CNTNAP2: variants seen among roughly 807,000 people sequenced by gnomAD.
The protein encoded by CNTNAP2 is contactin-associated protein-like 2.
Under a neutral mutation model 155.2 loss-of-function variants are expected in CNTNAP2, and 98 were observed. That is an observed-to-expected ratio of 0.63 (90% CI 0.54 to 0.75). CNTNAP2 has a LOEUF of 0.75. Among genes scored for constraint, CNTNAP2 ranks in the 30% least tolerant of loss-of-function variants. The pLI is 0.00. For missense variants in CNTNAP2, 1,727 were observed against 1,688.1 expected (o/e 1.02, Z -0.40); for synonymous variants, 651 against 631.2 (o/e 1.03, Z -0.47).
chr7:146,497,487 C>A (rs1797235835), intron 1 of CNTNAP2, among the ~76,000 whole-genome samples: 1 of 151,892 alleles, frequency 6.6e-6, no homozygotes, highest in Admixed American at 6.6e-5. Context: ...TTGGAGAGTT[C>A]AATGATTTTA....
intron 1 of CNTNAP2, among the ~76,000 whole-genome samples, chr7:146,355,137 C>A (rs1794979202): frequency 6.6e-6 from 1 of 152,166 alleles, no homozygotes; most frequent in Non-Finnish European, 1.5e-5. Context: ...GCATACACAT[C>A]AAATCAAATT....
intron 11 of CNTNAP2, among the ~76,000 whole-genome samples, chr7:147,502,842 G>T (rs1798843587): frequency 6.6e-6 from 1 of 151,654 alleles, no homozygotes; most frequent in Non-Finnish European, 1.5e-5. Context: ...ATTAAAAAAA[G>T]AAAGTAGCAG....
chr7:146,617,595 T>C (rs923321817), intron 1 of CNTNAP2, among the ~76,000 whole-genome samples: 1 of 152,212 alleles, frequency 6.6e-6, no homozygotes, highest in Non-Finnish European at 1.5e-5. Flanking sequence ...TAATGGTTTA[T>C]CTAGCCATGA....
chr7:147,788,864 G>A (rs1797775394), intron 13 of CNTNAP2, among the ~76,000 whole-genome samples: 4 of 146,064 alleles, frequency 2.7e-5, no homozygotes. Context: ...AGACCCTCAT[G>A]AATCATCCAG....
At chr7:148,172,146 G>T in intron 17 of CNTNAP2, 96 bp from the exon 18 acceptor site, 12 of 1,160,054 alleles carry the variant, frequency 1.0e-5, no homozygotes, top group Non-Finnish European at 1.5e-5. Flanking sequence ...GATGTGCTAT[G>T]CAGTGTCATC....
At chr7:146,632,636 T>C (rs2129159081) in intron 1 of CNTNAP2, among the ~76,000 whole-genome samples, 1 of 152,118 alleles carries the variant, frequency 6.6e-6, no homozygotes, top group East Asian at 1.9e-4. Flanking sequence ...TAACGTAGAG[T>C]AACATTTACA....
At chr7:147,305,335 G>T (rs1479509591) in intron 9 of CNTNAP2, among the ~76,000 whole-genome samples, 1 of 152,102 alleles carries the variant, frequency 6.6e-6, no homozygotes, top group Non-Finnish European at 1.5e-5. Flanking sequence ...TGGTTATCAG[G>T]CTCCTTAGCT....
intron 10 of CNTNAP2, among the ~76,000 whole-genome samples, chr7:147,411,941 T>C (rs1797109790): frequency 6.6e-6 from 1 of 152,198 alleles, no homozygotes; most frequent in African/African-American, 2.4e-5. Flanking sequence ...AAAAAAATAT[T>C]TGATGCAGCA....
chr7:146,822,132 C>T (rs1186233185), intron 2 of CNTNAP2, among the ~76,000 whole-genome samples: 2 of 152,144 alleles, frequency 1.3e-5, no homozygotes, highest in Non-Finnish European at 2.9e-5. Flanking sequence ...CTATGGAATA[C>T]TATGCAGCCA....
chr7:146,619,325 A>C (rs918653933), intron 1 of CNTNAP2, among the ~76,000 whole-genome samples: 3 of 152,168 alleles, frequency 2.0e-5, no homozygotes, highest in Non-Finnish European at 4.4e-5. Flanking sequence ...AAAATATTCC[A>C]TCTTCATTAT....
intron 8 of CNTNAP2, among the ~76,000 whole-genome samples, chr7:147,218,332 ATATTTT>A (rs1222796748): frequency 1.3e-5 from 2 of 151,862 alleles, no homozygotes. Context: ...TTAATAAATT[ATATTTT>A]TATTTTTATT....
intron 2 of CNTNAP2, among the ~76,000 whole-genome samples, chr7:146,780,137 G>A (rs1802458765): frequency 6.6e-6 from 1 of 152,014 alleles, no homozygotes; most frequent in African/African-American, 2.4e-5. Context: ...CCTACCAACA[G>A]TGTAAAAGTG....
intron 3 of CNTNAP2, among the ~76,000 whole-genome samples, chr7:146,983,351 T>A (rs1410272750): frequency 6.6e-6 from 1 of 152,136 alleles, no homozygotes; most frequent in African/African-American, 2.4e-5. Context: ...TCCCTAATCC[T>A]CTGCTCAGGA....
chr7:147,895,691 T>C (rs1355056725), intron 13 of CNTNAP2, among the ~76,000 whole-genome samples: 1 of 152,238 alleles, frequency 6.6e-6, no homozygotes, highest in Non-Finnish European at 1.5e-5. Context: ...TTAACTGCTA[T>C]TCCCCAAAGC....
chr7:146,466,014 T>C (rs1256312813), intron 1 of CNTNAP2, among the ~76,000 whole-genome samples: 1 of 152,154 alleles, frequency 6.6e-6, no homozygotes, highest in Admixed American at 6.5e-5. Flanking sequence ...TTCCAGGACT[T>C]TGATTGGACC....
chr7:146,201,060 T>C (rs1054323429), intron 1 of CNTNAP2, among the ~76,000 whole-genome samples: 1 of 152,284 alleles, frequency 6.6e-6, no homozygotes, highest in Non-Finnish European at 1.5e-5. Flanking sequence ...GGTCATCAGA[T>C]TTGTATTTCT....
At chr7:147,303,401 T>C (rs1359387773) in intron 9 of CNTNAP2, among the ~76,000 whole-genome samples, 1 of 152,224 alleles carries the variant, frequency 6.6e-6, no homozygotes, top group Non-Finnish European at 1.5e-5. Flanking sequence ...GTACCGTTTC[T>C]GCACTAAAAC....
At chr7:147,565,463 T>C (rs1411322679) in intron 12 of CNTNAP2, among the ~76,000 whole-genome samples, 1 of 152,136 alleles carries the variant, frequency 6.6e-6, no homozygotes, top group East Asian at 1.9e-4. Context: ...CATTCATACA[T>C]CTACCACTTG....
At chr7:146,183,621 T>TAAG (rs10698975) in intron 1 of CNTNAP2, among the ~76,000 whole-genome samples, 2 of 149,786 alleles carry the variant, frequency 1.3e-5, no homozygotes, top group Non-Finnish European at 3.0e-5. Context: ...ATAATAATAA[T>TAAG]AATAATAATA....
Sources: gnomAD v4.1 joint callset for allele counts (sites outside exome capture counted in the v4.1 genomes callset) on GRCh38, gnomAD v4.1.1 for gene constraint, MANE v1.5 for transcripts, NCBI Gene and HGNC (gene_info 2026-07-23, HGNC 2026-07-21) for gene names.